The following CYP7B1 variants were observed in gnomAD, a reference collection of about 807,000 sequenced individuals.
CYP7B1 encodes cytochrome P450 7B1.
CYP7B1 carries 29 observed loss-of-function variants against 42.7 expected under a neutral mutation model. The observed-to-expected ratio is 0.68, with a 90% confidence interval of 0.51 to 0.93. The LOEUF is 0.93. CYP7B1 is among the 40% of genes least tolerant of loss of function. CYP7B1 has a pLI of 0.00. For synonymous variants in CYP7B1, 235 were observed against 218.2 expected (o/e 1.08, Z -0.68); for missense variants, 655 against 600.5 (o/e 1.09, Z -0.95).
intron 1 of CYP7B1, among the ~76,000 whole-genome samples, chr8:64,669,909 G>A (rs1806340313): frequency 6.6e-6 from 1 of 152,176 alleles, no homozygotes; most frequent in South Asian, 2.1e-4. Context: ...TGAATTTATG[G>A]TTTGCAAACT....
chr8:64,763,277 C>T (rs1341754473), intron 1 of CYP7B1, among the ~76,000 whole-genome samples: 8 of 152,188 alleles, frequency 5.3e-5, no homozygotes, highest in Admixed American at 2.0e-4. Flanking sequence ...CTGGGTTCCA[C>T]GGTTCTCTTC....
chr8:64,702,746 G>T (rs962394810), intron 1 of CYP7B1, among the ~76,000 whole-genome samples: 2 of 152,068 alleles, frequency 1.3e-5, no homozygotes, highest in Non-Finnish European at 2.9e-5. Context: ...AGCGTTGCTG[G>T]TGTGTGCGAA....
At chr8:64,645,902 C>A (rs1805946676) in intron 1 of CYP7B1, among the ~76,000 whole-genome samples, 1 of 152,110 alleles carries the variant, frequency 6.6e-6, no homozygotes, top group Non-Finnish European at 1.5e-5. Context: ...TGCATATCTA[C>A]AACTATCTGA....
At chr8:64,643,162 C>CATATATATACGTATATAT (rs781343197) in intron 1 of CYP7B1, among the ~76,000 whole-genome samples, 7 of 29,386 alleles carry the variant, frequency 2.4e-4, no homozygotes, top group East Asian at 2.1e-3. Context: ...TACATATATA[C>CATATATATACGTATATAT]ACATATATAC....
intron 1 of CYP7B1, among the ~76,000 whole-genome samples, chr8:64,625,668 T>C (rs551721319): frequency 4.8e-4 from 73 of 152,328 alleles, no homozygotes; most frequent in African/African-American, 1.8e-3. Context: ...ATCTGAGTTC[T>C]AGTCAAACTG....
intron 1 of CYP7B1, among the ~76,000 whole-genome samples, chr8:64,749,304 C>T (rs1338513663): frequency 2.0e-5 from 3 of 152,112 alleles, no homozygotes; most frequent in Non-Finnish European, 4.4e-5. Flanking sequence ...TGGTCTCGAA[C>T]TTGTGATCTC....
intron 1 of CYP7B1, among the ~76,000 whole-genome samples, chr8:64,720,832 G>C (rs1326638426): frequency 6.6e-6 from 1 of 151,984 alleles, no homozygotes; most frequent in Admixed American, 6.6e-5. Context: ...AATGGTCTCT[G>C]GGTAATGAAA....
intron 1 of CYP7B1, among the ~76,000 whole-genome samples, chr8:64,754,513 G>A (rs1476921847): frequency 6.6e-6 from 1 of 152,090 alleles, no homozygotes. Flanking sequence ...ACAAGTAGGG[G>A]TCAAGTCAGA....
intron 1 of CYP7B1, among the ~76,000 whole-genome samples, chr8:64,659,720 A>T (rs1806173091): frequency 6.6e-6 from 1 of 152,210 alleles, no homozygotes; most frequent in Non-Finnish European, 1.5e-5. Flanking sequence ...GTTAAATAGG[A>T]GAATATAGGA....
chr8:64,752,384 A>G lies in CYP7B1; in HGVS notation c.122+46082T>C, dbSNP rs530536997. Reference sequence around the variant, plus strand: ...TCTGTTAAATAAATTGTGTGTGTGTATGTGCATGTGCGTGTGTGTGTGTGT... The same window carrying G: ...TCTGTTAAATAAATTGTGTGTGTGTGTGTGCATGTGCGTGTGTGTGTGTGT... On this transcript the variant is annotated intron_variant, in intron 1 of 5. Transcript: ENST00000310193. Among the ~76,000 whole-genome samples the G allele has an allele frequency of 1.9e-4, 27 of 144,084 alleles. No individual in the cohort carries two copies. In the South Asian group the frequency reaches 5.6e-3, roughly 30 times the overall value. 94.5% of individuals were successfully genotyped at this position (144,084 alleles called of 152,430 possible). A position where few individuals can be genotyped will look rare whatever the true frequency, so the allele number is the denominator to read the frequency against.
At chr8:64,652,450 A>G (rs1806053852) in intron 1 of CYP7B1, among the ~76,000 whole-genome samples, 2 of 152,230 alleles carry the variant, frequency 1.3e-5, no homozygotes, top group Non-Finnish European at 2.9e-5. Flanking sequence ...CCAAATGTGA[A>G]AGAACTGAAA....
intron 1 of CYP7B1, among the ~76,000 whole-genome samples, chr8:64,773,746 T>C (rs1804274951): frequency 6.6e-6 from 1 of 152,202 alleles, no homozygotes; most frequent in African/African-American, 2.4e-5. Flanking sequence ...CAATGGTATC[T>C]GGTAAGGGCC....
chr8:64,737,396 G>T (rs1368432047), intron 1 of CYP7B1, among the ~76,000 whole-genome samples: 3 of 152,144 alleles, frequency 2.0e-5, no homozygotes, highest in Non-Finnish European at 4.4e-5. Flanking sequence ...GGACCACTTT[G>T]GCCATGTAAA....
chr8:64,673,899 G>A (rs973188907), intron 1 of CYP7B1, among the ~76,000 whole-genome samples: 2 of 151,950 alleles, frequency 1.3e-5, no homozygotes, highest in Non-Finnish European at 2.9e-5. Flanking sequence ...AGTGATGACT[G>A]GAAAAGGAAA....
chr8:64,606,933 G>A (rs1477862050), intron 4 of CYP7B1, among the ~76,000 whole-genome samples: 3 of 152,164 alleles, frequency 2.0e-5, no homozygotes, highest in Non-Finnish European at 2.9e-5. Context: ...ACGTTGAGAA[G>A]AATGACAACT....
rs1430400622 is a variant in CYP7B1, at chr8:64,615,176, A to C, written c.907T>G (p.Trp303Gly). ...TGCCGCAGAAGATAATACATTGCCC[A>C]GAACATAGTTGGAATAGTGTTTGCC... ...SVANTIPTMF[W>G]AMYYLLRHPE... The change falls in exon 4 of 6, where the codon TGG becomes GGG. Residue 303 changes from tryptophan (W) to glycine (G), a missense_variant. Coordinates refer to ENST00000310193, the MANE Select transcript of CYP7B1 (RefSeq NM_004820.5). The C allele has an allele frequency of 6.2e-7, 1 of 1,613,672 alleles. No homozygotes were observed. Among genetic ancestry groups the C allele is most frequent in the Non-Finnish European group, 8.5e-7 (1 of 1,179,758 alleles).
At chr8:64,601,367 T>C (rs1396827331) in intron 5 of CYP7B1, among the ~76,000 whole-genome samples, 1 of 152,238 alleles carries the variant, frequency 6.6e-6, no homozygotes, top group African/African-American at 2.4e-5. Context: ...ATCTTAAATG[T>C]CTGACGTTTT....
rs992974925 is a variant in CYP7B1 at position 64,658,384 on chromosome 8, TGAGAAGTAAAG to T, written c.123-33856_123-33846del. Among the ~76,000 whole-genome samples, 116 of 152,300 alleles carry T rather than the reference TGAGAAGTAAAG, an allele frequency of 7.6e-4. 1 individual carries two copies. The highest frequency in any genetic ancestry group is 2.7e-3 in the African/African-American group (114 of 41,564). ...CTGTAATTTAAAACATTAGAAACACTGAGAAGTAAAGTTTTTTTAAATAAAAACTTATGAAG... is the reference window on the plus strand; with the variant it reads ...CTGTAATTTAAAACATTAGAAACACTTTTTTTTAAATAAAAACTTATGAAG... On this transcript the variant is annotated intron_variant, in intron 1 of 5. Transcript: ENST00000310193.
intron 2 of CYP7B1, among the ~76,000 whole-genome samples, chr8:64,618,926 T>G (rs976732478): frequency 6.6e-6 from 1 of 152,158 alleles, no homozygotes; most frequent in African/African-American, 2.4e-5. Context: ...TCCTTCAATA[T>G]CAAGGCATTG....
Sources: allele counts gnomAD v4.1 joint callset (sites outside exome capture counted in the v4.1 genomes callset), GRCh38; gene constraint gnomAD v4.1.1; transcripts MANE v1.5; gene names NCBI Gene and HGNC (gene_info 2026-07-23, HGNC 2026-07-21).